EXD3: variants seen among roughly 807,000 people sequenced by gnomAD.
EXD3 encodes exonuclease mut-7 homolog.
Under a neutral mutation model 98.0 loss-of-function variants are expected in EXD3, and 92 were observed. The observed-to-expected ratio is 0.94, with a 90% CI of 0.79 to 1.12. The LOEUF is 1.12. Ranked by LOEUF, EXD3 falls within the 50% of genes most tolerant of loss-of-function variation. The pLI is 0.00. For missense variants in EXD3, 1,222 were observed against 1,191.6 expected (o/e 1.03, Z -0.38); for synonymous variants, 569 against 526.0 (o/e 1.08, Z -1.12).
At chr9:137,354,664 GC>G in intron 9 of EXD3, 35 bp downstream of exon 9, 2 of 1,607,990 alleles carry the variant, frequency 1.2e-6, no homozygotes, top group Non-Finnish European at 1.7e-6. Context: ...TCAGGCCGCG[GC>G]TGGCTGCCCC....
Position 137,393,279 on chromosome 9 carries a change from C to A in EXD3, c.55+2024G>T, listed in dbSNP as rs1377773575. ...CTCTGTGCTGAGGCGAACCCAGGGTCCCATGCGCTCCCCGGCCCTGACGGC... is the reference window on the plus strand; with the variant it reads ...CTCTGTGCTGAGGCGAACCCAGGGTACCATGCGCTCCCCGGCCCTGACGGC... On this transcript the variant is annotated intron_variant, in intron 2 of 21. Coordinates refer to ENST00000340951, the MANE Select transcript of EXD3 (RefSeq NM_017820.5). The surrounding 1 kb of genome is among the most constrained non-coding windows in gnomAD (Gnocchi z 4.6). 8.6e-6 allele frequency: 6 copies of A among 700,810 alleles called. No homozygotes were observed. Among genetic ancestry groups the A allele is most frequent in the Non-Finnish European group, 1.6e-5 (6 of 383,970 alleles). The allele number at this position is 700,810 out of a possible 1,614,324, so 43.4% of individuals were successfully genotyped here. A position where few individuals can be genotyped will look rare whatever the true frequency, so the allele number is the denominator to read the frequency against.
intron 1 of EXD3, among the ~76,000 whole-genome samples, chr9:137,416,150 C>T (rs1226801111): frequency 6.6e-6 from 1 of 152,262 alleles, no homozygotes; most frequent in Non-Finnish European, 1.5e-5. Flanking sequence ...CGGCCACTGC[C>T]AGCCACACCT....
chr9:137,319,912 C>A (rs1831935609), intron 19 of EXD3, among the ~76,000 whole-genome samples: 1 of 152,172 alleles, frequency 6.6e-6, no homozygotes, highest in Non-Finnish European at 1.5e-5. Flanking sequence ...TAGGGCCCAG[C>A]AGGGTCCCCA....
At chr9:137,382,204 C>T (rs1022116368) in intron 3 of EXD3, among the ~76,000 whole-genome samples, 108 of 151,992 alleles carry the variant, frequency 7.1e-4, no homozygotes, top group Admixed American at 8.5e-4. Flanking sequence ...GAGGTGAGGG[C>T]ACAGACACAG....
intron 7 of EXD3, among the ~76,000 whole-genome samples, chr9:137,356,737 G>A (rs185791600): frequency 4.6e-5 from 7 of 152,316 alleles, no homozygotes; most frequent in African/African-American, 1.7e-4. Flanking sequence ...CGGCCTCAAC[G>A]GCCCAGCCTT....
chr9:137,343,887 C>CTTT (rs139561838), intron 17 of EXD3, among the ~76,000 whole-genome samples: 39 of 30,254 alleles, frequency 1.3e-3, no homozygotes, highest in Non-Finnish European at 1.5e-3. Flanking sequence ...CGCGCCCGGC[C>CTTT]TTTTTTTTTT....
intron 2 of EXD3, chr9:137,392,314 A>T: frequency 6.5e-6 from 1 of 154,606 alleles, no homozygotes. Context: ...AACACGCCAG[A>T]GGTGGCCATG....
Position 137,311,581 on chromosome 9 carries a change from G to A in EXD3, c.2185-1881C>T, listed in dbSNP as rs141310326. ...AGCTCGTGCTGAGTCACCGGGTGCC[G>A]TCAGTGAGGGCCTGGCCCCACCCTC... On this transcript the variant is annotated intron_variant, in intron 19 of 21. Transcript: ENST00000340951. Among the ~76,000 whole-genome samples, 497 of 152,328 alleles carry A rather than the reference G, an allele frequency of 3.3e-3. 4 individuals carry two copies. The highest frequency in any genetic ancestry group is 0.011 in the African/African-American group (467 of 41,568).
chr9:137,367,028 C>T (rs1297533865), intron 6 of EXD3, among the ~76,000 whole-genome samples: 1 of 152,256 alleles, frequency 6.6e-6, no homozygotes, highest in African/African-American at 2.4e-5. Context: ...CTGTCGGTGC[C>T]TCCAAGAGGC....
At chr9:137,415,871 C>T (rs1213834006) in intron 1 of EXD3, among the ~76,000 whole-genome samples, 1 of 152,194 alleles carries the variant, frequency 6.6e-6, no homozygotes, top group African/African-American at 2.4e-5. Flanking sequence ...CATAAAGTCG[C>T]GTTGCCCTAA....
intron 17 of EXD3, among the ~76,000 whole-genome samples, chr9:137,340,582 G>C (rs529620529): frequency 6.6e-6 from 1 of 152,166 alleles, no homozygotes; most frequent in African/African-American, 2.4e-5. Flanking sequence ...CTGGAGTGCA[G>C]TGGCATGATC....
In EXD3 at chr9:137,385,722, C is replaced by A. The variant is rs572247304; in HGVS notation, c.56-2345G>T. 1.3e-4 allele frequency among the ~76,000 whole-genome samples: 20 copies of A among 152,116 alleles called. No individual in the cohort carries two copies. Among genetic ancestry groups the A allele is most frequent in the African/African-American group, 4.1e-4 (17 of 41,526 alleles). On this transcript the variant is annotated intron_variant, in intron 2 of 21. Transcript: ENST00000340951. This position sits in a 1 kb window ranked among gnomAD's most constrained non-coding sequence, Gnocchi z 4.4. The stretch of plus-strand genomic sequence containing the variant: ...CTAATTTTTGTATTTTTAGTAGAGA[C>A]GGGTTTTCACCATGTTGGCCAGGCT...
At chr9:137,387,338 C>T (rs1031980943) in intron 2 of EXD3, among the ~76,000 whole-genome samples, 23 of 152,228 alleles carry the variant, frequency 1.5e-4, no homozygotes, top group Non-Finnish European at 2.6e-4. Flanking sequence ...ACACATGGTG[C>T]TCACAGCCCA....
At chr9:137,369,828 TCTC>T (rs1480619813) in intron 5 of EXD3, among the ~76,000 whole-genome samples, 1 of 152,194 alleles carries the variant, frequency 6.6e-6, no homozygotes, top group Non-Finnish European at 1.5e-5. Context: ...GCTCAGCCCT[TCTC>T]TTCACCACGG....
At chr9:137,399,543 T>C (rs764562225) in intron 1 of EXD3, among the ~76,000 whole-genome samples, 2 of 152,236 alleles carry the variant, frequency 1.3e-5, no homozygotes, top group Non-Finnish European at 1.5e-5. Context: ...TCTGGTTTTC[T>C]GAAGCTTTTT....
At chr9:137,401,832 G>A (rs1337489941) in intron 1 of EXD3, among the ~76,000 whole-genome samples, 2 of 152,198 alleles carry the variant, frequency 1.3e-5, no homozygotes, top group Non-Finnish European at 2.9e-5. Context: ...TGCCATGAAG[G>A]TCTCTGACAT....
intron 17 of EXD3, among the ~76,000 whole-genome samples, chr9:137,338,658 G>A (rs1396383939): frequency 6.6e-6 from 1 of 151,512 alleles, no homozygotes; most frequent in East Asian, 1.9e-4. Flanking sequence ...AGGCTGAGGA[G>A]GGCAGATCAC....
At chr9:137,384,898 C>T (rs186835410) in intron 2 of EXD3, among the ~76,000 whole-genome samples, 224 of 152,108 alleles carry the variant, frequency 1.5e-3, no homozygotes, top group Non-Finnish European at 2.6e-3. Flanking sequence ...TCGAGACCAG[C>T]CTGGCCAACG....
At chr9:137,369,485 G>A (rs1180987136) in intron 5 of EXD3, among the ~76,000 whole-genome samples, 1 of 152,224 alleles carries the variant, frequency 6.6e-6, no homozygotes, top group Non-Finnish European at 1.5e-5. Context: ...GGGAAGTGGA[G>A]GATGGGGCTG....
Sources: gnomAD v4.1 joint callset for allele counts (sites outside exome capture counted in the v4.1 genomes callset) on GRCh38, gnomAD v4.1.1 for gene constraint, Gnocchi (gnomAD v3.1) non-coding constraint, MANE v1.5 for transcripts, NCBI Gene and HGNC (gene_info 2026-07-23, HGNC 2026-07-21) for gene names.